The following CRYAB variants were observed in gnomAD, a reference collection of about 807,000 sequenced individuals.
CRYAB encodes the protein alpha-crystallin B chain.
CRYAB carries 9 observed loss-of-function variants against 12.7 expected under a neutral mutation model. The ratio of observed to expected loss-of-function variants is 0.71; its 90% CI spans 0.43 to 1.24. CRYAB has a LOEUF of 1.24. Among genes scored for constraint, CRYAB ranks in the 50% most tolerant of loss-of-function variants. CRYAB has a pLI of 0.00. For synonymous variants in CRYAB, 93 were observed against 86.8 expected, an observed-to-expected ratio of 1.07 and a Z score of -0.40; for missense variants, 183 against 226.6, an observed-to-expected ratio of 0.81 and a Z score of 1.24.
At chr11:111,909,468 C>G (rs1555165321) in intron 2 of CRYAB, among the ~76,000 whole-genome samples, 1 of 152,154 alleles carries the variant, frequency 6.6e-6, no homozygotes, top group Non-Finnish European at 1.5e-5. Context: ...GAGGACATTA[C>G]TGAGGACAAA....
upstream of CRYAB, among the ~76,000 whole-genome samples, chr11:111,916,664 T>C (rs1965602059): frequency 6.6e-6 from 1 of 152,186 alleles, no homozygotes; most frequent in African/African-American, 2.4e-5. Flanking sequence ...CAGTCATGGA[T>C]TGACTGGTAC....
upstream of CRYAB, among the ~76,000 whole-genome samples, chr11:111,916,851 C>T (rs587618798): frequency 4.0e-4 from 61 of 151,552 alleles, no homozygotes; most frequent in African/African-American, 1.4e-3. Context: ...TTTTCTTTTC[C>T]TTTTTTTCTT....
Position 111,911,770 on chromosome 11 carries a change from C to T in CRYAB, c.-46G>A. On this transcript the variant is annotated 5_prime_UTR_variant, in exon 1 of 3. Transcript: ENST00000650687. ...GGGTCAGCTGGCTGGTCAGCTCCTT[C>T]AGCTGCAGCTACAGCCAGCCCCTTA... 1 of 1,317,870 alleles carries T rather than the reference C, an allele frequency of 7.6e-7. No individual in the cohort carries two copies. 81.6% of individuals were successfully genotyped at this position (1,317,870 alleles called of 1,614,324 possible). A position where few individuals can be genotyped will look rare whatever the true frequency, so the allele number is the denominator to read the frequency against.
intron 1 of CRYAB, among the ~76,000 whole-genome samples, chr11:111,923,139 A>G (rs1347102945): frequency 6.6e-6 from 1 of 152,242 alleles, no homozygotes; most frequent in African/African-American, 2.4e-5. Context: ...GTGGCAAAGA[A>G]TTAGAAGATT....
chr11:111,913,216 CCCTCCTCCTCCTTCT>C (rs1277468421), upstream of CRYAB: 13 of 603,870 alleles, frequency 2.2e-5, no homozygotes, highest in East Asian at 2.8e-4. Context: ...CTCCTCCTCC[CCCTCCTCCTCCTTCT>C]CCTCCTCCTC....
At position 111,911,618 on chromosome 11, in the gene CRYAB, T is replaced by C. The variant is rs1203161146; in HGVS notation, c.107A>G (p.Asp36Gly). ...QFFGEHLLES[D>G]LFPTSTSLSP... ...CAGGGAAGTAGACGTCGGGAAAAGA[T>C]CAGACTCCAACAGGTGCTCTCCGAA... The change falls in exon 1 of 3, where the codon GAT becomes GGT. Residue 36 changes from aspartate to glycine, a missense_variant. Physicochemically the swap from Asp to Gly is moderately conservative, Grantham distance 94. Around this residue, in one of 3 missense-constraint regions of CRYAB, gnomAD observed 86 missense variants for 96.1 expected, o/e 0.89. Coordinates refer to ENST00000650687, the MANE Select transcript of CRYAB (RefSeq NM_001289808.2). 1 of 1,612,790 alleles carries C rather than the reference T, an allele frequency of 6.2e-7. No homozygotes were observed. The highest frequency in any genetic ancestry group is 1.7e-5 in the Admixed American group (1 of 59,818).
chr11:111,913,338 C>G, upstream of CRYAB: 2 of 878,680 alleles, frequency 2.3e-6, no homozygotes, highest in Non-Finnish European at 3.6e-6. Context: ...CTCCTGACTC[C>G]CCTCTTGCTC....
intron 1 of CRYAB, among the ~76,000 whole-genome samples, chr11:111,921,818 T>C (rs1965703937): frequency 6.6e-6 from 1 of 151,542 alleles, no homozygotes; most frequent in Non-Finnish European, 1.5e-5. Flanking sequence ...CCATGAGGTC[T>C]GAATTATATT....
At chr11:111,915,438 T>C (rs1371205560), upstream of CRYAB, among the ~76,000 whole-genome samples, 1 of 152,268 alleles carries the variant, frequency 6.6e-6, no homozygotes, top group African/African-American at 2.4e-5. Context: ...TTGGGGGATA[T>C]ACATTGTAAA....
rs781915800 is a variant in CRYAB, at chr11:111,908,930, T to C, written c.362A>G (p.Lys121Arg). ...HGFISREFHR[K>R]YRIPADVDPL... Reference sequence around the variant, plus strand: ...GTCTACATCAGCTGGGATCCGGTATTTCCTGTGGAACTCCCTGGAGATGAA... The same window carrying C: ...GTCTACATCAGCTGGGATCCGGTATCTCCTGTGGAACTCCCTGGAGATGAA... Residue 121 changes from lysine (K) to arginine (R), a missense_variant, in exon 3 of 3, where the codon AAA (lysine) becomes AGA (arginine). Transcript: ENST00000650687. 17 of 1,614,032 alleles carry C rather than the reference T, an allele frequency of 1.1e-5. No individual in the cohort carries two copies. Among genetic ancestry groups the C allele is most frequent in the Non-Finnish European group, 1.4e-5 (16 of 1,180,042 alleles).
chr11:111,908,956 A>G lies in CRYAB; in HGVS notation c.336T>C (p.Gly112=), dbSNP rs1592506444. The change falls in exon 3 of 3, where the codon GGT becomes GGC. Residue 112 remains glycine, a synonymous_variant. Transcript: ENST00000650687. ...TCCTGTGGAACTCCCTGGAGATGAA[A>G]CCATGTTCATCCTAACCCAAAAGAA... ...GKHEERQDEH[G]FISREFHRKY... is the part of the protein sequence containing the mutation. 1.2e-6 allele frequency: 2 copies of G among 1,614,152 alleles called. No homozygotes were observed. Among genetic ancestry groups the G allele is most frequent in the African/African-American group, 1.3e-5 (1 of 75,034 alleles).
At chr11:111,918,821 A>G in intron 1 of CRYAB, 1 of 787,642 alleles carries the variant, frequency 1.3e-6, no homozygotes, top group South Asian at 1.4e-5. Context: ...GAATCATTCC[A>G]GCAGGTGGCT....
chr11:111,908,865 G>A lies in CRYAB; in HGVS notation c.427C>T (p.Leu143Phe), dbSNP rs782629197. Residue 143 changes from leucine to phenylalanine, a missense_variant, in exon 3 of 3, where the codon CTC becomes TTC. This residue lies in a region of CRYAB where 95 missense variants were observed against 112.5 expected (regional missense o/e 0.84). Transcript: ENST00000650687. ...ITSSLSSDGV[L>F]TVNGPRKQVS... ...TGTTTCCTTGGTCCATTCACAGTGA[G>A]GACCCCATCAGATGACAGGGATGAA... 4.3e-6 allele frequency: 7 copies of A among 1,613,980 alleles called. No homozygotes were observed. The highest frequency in any genetic ancestry group is 4.2e-6 in the Non-Finnish European group (5 of 1,180,024).
upstream of CRYAB, chr11:111,913,869 G>A (rs1184798851): frequency 1.2e-6 from 2 of 1,611,440 alleles, no homozygotes; most frequent in Non-Finnish European, 8.5e-7. Context: ...AGAGGAAGAG[G>A]AGGAGGCAGC....
chr11:111,920,733 C>T (rs1965683096), intron 1 of CRYAB, among the ~76,000 whole-genome samples: 1 of 152,018 alleles, frequency 6.6e-6, no homozygotes, highest in Non-Finnish European at 1.5e-5. Context: ...CACTGCACTC[C>T]AGTGTGGGTG....
chr11:111,919,011 A>G (rs587718680), intron 1 of CRYAB: 2 of 1,614,194 alleles, frequency 1.2e-6, no homozygotes, highest in Admixed American at 1.7e-5. Flanking sequence ...GCTGGTGAGT[A>G]GGCTGGAAGG....
chr11:111,910,715 G>A (rs1029138230), intron 1 of CRYAB: 6 of 531,764 alleles, frequency 1.1e-5, no homozygotes, highest in Middle Eastern at 5.0e-4. Context: ...CAGTCGCAAG[G>A]ATGGGTGCAA....
intron 2 of CRYAB, chr11:111,909,395 AT>A (rs1392457847): frequency 1.1e-4 from 39 of 349,036 alleles, no homozygotes; most frequent in Admixed American, 9.2e-4. Context: ...AAAAAAAAAA[AT>A]GACTCCATCC....
chr11:111,913,117 T>C, upstream of CRYAB: 1 of 592,940 alleles, frequency 1.7e-6, no homozygotes, highest in Non-Finnish European at 3.0e-6. Context: ...CAAGACACAC[T>C]TGGTGCTTGC....
Sources: gnomAD v4.1 joint callset for allele counts (sites outside exome capture counted in the v4.1 genomes callset) on GRCh38, gnomAD v4.1.1 for gene constraint, gnomAD v4.1.1 regional missense constraint, MANE v1.5 for transcripts, NCBI Gene and HGNC (gene_info 2026-07-23, HGNC 2026-07-21) for gene names.